The following PCDHA2 variants were observed in gnomAD, a reference collection of about 807,000 sequenced individuals.
The protein encoded by PCDHA2 is protocadherin alpha 2, also known as protocadherin alpha-2.
In PCDHA2, 58 loss-of-function variants were observed where a neutral mutation model predicts 66.0. The ratio of observed to expected loss-of-function variants is 0.88; its 90% CI spans 0.71 to 1.09. The LOEUF (loss-of-function observed/expected upper bound fraction) is 1.09, where lower values mean the gene tolerates loss of function less well. Ranked by LOEUF, PCDHA2 falls within the 50% of genes least tolerant of loss-of-function variation. PCDHA2 has a pLI of 0.00. For missense variants in PCDHA2, 1,267 were observed against 1,242.3 expected, an observed-to-expected ratio of 1.02 and a Z score of -0.30; for synonymous variants, 634 against 554.0, an observed-to-expected ratio of 1.14 and a Z score of -2.03.
intron 1 of PCDHA2, among the ~76,000 whole-genome samples, chr5:140,907,806 A>G (rs1046843294): frequency 2.6e-5 from 4 of 152,192 alleles, no homozygotes; most frequent in Non-Finnish European, 5.9e-5. Flanking sequence ...AGTGGTGTCC[A>G]CAGAACGAGT....
intron 2 of PCDHA2, among the ~76,000 whole-genome samples, chr5:140,981,575 A>G (rs2096938835): frequency 1.3e-5 from 2 of 152,152 alleles, no homozygotes; most frequent in African/African-American, 4.8e-5. Flanking sequence ...CTTTGTCTCA[A>G]AAATAAATAA....
At chr5:140,806,849 A>G (rs1581679639) in intron 1 of PCDHA2, 1 of 286,560 alleles carries the variant, frequency 3.5e-6, no homozygotes, top group South Asian at 7.5e-5. Flanking sequence ...CACTCAATCA[A>G]TCAGTGGTAC....
chr5:140,899,544 T>A (rs925092249), intron 1 of PCDHA2, among the ~76,000 whole-genome samples: 11 of 152,202 alleles, frequency 7.2e-5, no homozygotes, highest in Non-Finnish European at 1.5e-5. Context: ...TTGATCATGG[T>A]GGATAAGCTT....
At chr5:140,885,110 TA>T (rs1368571784) in intron 1 of PCDHA2, among the ~76,000 whole-genome samples, 4 of 152,224 alleles carry the variant, frequency 2.6e-5, no homozygotes, top group African/African-American at 9.6e-5. Context: ...ATGCTTTTTT[TA>T]AGTGCACTTT....
rs782724131 is a variant in PCDHA2 at position 140,802,165 on chromosome 5, C to T, written c.2388+4813C>T. Reference sequence around the variant, plus strand: ...TCATATGAAATCCAGGTAGAAGCCACGGATAAAGGAAATCCCCCAATGTCA... The same window carrying T: ...TCATATGAAATCCAGGTAGAAGCCATGGATAAAGGAAATCCCCCAATGTCA... On this transcript the variant is annotated intron_variant, in intron 1 of 3. Transcript: ENST00000526136. 5 of 1,614,080 alleles carry T rather than the reference C, an allele frequency of 3.1e-6. No individual in the cohort carries two copies. The highest frequency in any genetic ancestry group is 2.2e-5 in the East Asian group (1 of 44,896).
At chr5:140,812,798 T>C (rs1051671489) in intron 1 of PCDHA2, 5 of 152,226 alleles carry the variant, frequency 3.3e-5, no homozygotes, top group Non-Finnish European at 5.9e-5. Flanking sequence ...TGTTGTATCC[T>C]GTAAGTTTTT....
At position 140,845,310 on chromosome 5, in the gene PCDHA2, CAG is replaced by C. The variant is rs2150378304; in HGVS notation, c.2388+47959_2388+47960del. On this transcript the variant is annotated intron_variant, in intron 1 of 3. Transcript: ENST00000526136. ...ATCCTGTCTATGTCTACCTGGTTCT[CAG>C]GTATTACTTTAATTACTGAATTCTC... Among the ~76,000 whole-genome samples the C allele has an allele frequency of 4.5e-4, 68 of 149,506 alleles. 3 individuals carry two copies. The highest frequency in any genetic ancestry group is 6.9e-3 in the Middle Eastern group (2 of 290).
intron 1 of PCDHA2, chr5:140,843,766 G>A: frequency 6.7e-7 from 1 of 1,487,952 alleles, no homozygotes; most frequent in Non-Finnish European, 9.2e-7. Flanking sequence ...GGAAATTGTA[G>A]TTACTTTAAA....
At chr5:140,832,017 G>A (rs2150199162) in intron 1 of PCDHA2, among the ~76,000 whole-genome samples, 8 of 152,272 alleles carry the variant, frequency 5.3e-5, no homozygotes, top group African/African-American at 1.9e-4. Context: ...TTTACGTAAA[G>A]ATTGAATTTT....
intron 1 of PCDHA2, chr5:140,865,130 T>G (rs1221612986): frequency 3.3e-5 from 5 of 152,216 alleles, no homozygotes; most frequent in African/African-American, 1.2e-4. Flanking sequence ...TAATTATACC[T>G]TAGAATTTAA....
chr5:140,958,997 A>C (rs1356032687), intron 1 of PCDHA2, among the ~76,000 whole-genome samples: 1 of 152,076 alleles, frequency 6.6e-6, no homozygotes, highest in African/African-American at 2.4e-5. Context: ...CTAATCTTTT[A>C]CTGTACCTAA....
intron 1 of PCDHA2, chr5:140,851,545 G>T (rs912054365): frequency 2.4e-5 from 22 of 908,160 alleles, no homozygotes; most frequent in Non-Finnish European, 2.7e-5. Flanking sequence ...GATAATTCAA[G>T]AAATGTTGAC....
intron 1 of PCDHA2, among the ~76,000 whole-genome samples, chr5:140,820,465 G>C (rs1766763735): frequency 6.6e-6 from 1 of 151,906 alleles, no homozygotes; most frequent in African/African-American, 2.4e-5. Context: ...GTCTTCACAG[G>C]TAAGGGATAT....
intron 1 of PCDHA2, chr5:140,811,413 G>T (rs1764863372): frequency 6.6e-6 from 1 of 152,162 alleles, no homozygotes; most frequent in Non-Finnish European, 1.5e-5. Flanking sequence ...TATCATTGAT[G>T]GACATTTGGG....
chr5:140,848,780 G>C, intron 1 of PCDHA2: 3 of 1,593,474 alleles, frequency 1.9e-6, no homozygotes, highest in South Asian at 1.1e-5. Flanking sequence ...GCGAGGAGCT[G>C]TGCGGGCGGA....
chr5:140,926,180 C>A (rs1341994925), intron 1 of PCDHA2, among the ~76,000 whole-genome samples: 1 of 151,710 alleles, frequency 6.6e-6, no homozygotes, highest in Admixed American at 6.6e-5. Flanking sequence ...CGCGGAAAGC[C>A]CCCCGCAGCA....
chr5:140,908,604 C>T (rs1011069667), intron 1 of PCDHA2, among the ~76,000 whole-genome samples: 10 of 152,114 alleles, frequency 6.6e-5, no homozygotes, highest in African/African-American at 2.2e-4. Flanking sequence ...GATGGAAGGG[C>T]CTTGCTCCAA....
rs2098419648 is a variant in PCDHA2 at position 141,011,160 on chromosome 5, A to AT, written c.*1224dup. The AT allele has an allele frequency of 6.5e-6, 1 of 153,706 alleles. No homozygotes were observed. The highest frequency in any genetic ancestry group is 2.4e-5 in the African/African-American group (1 of 41,436). 9.5% of individuals were successfully genotyped at this position (153,706 alleles called of 1,614,324 possible). A position where few individuals can be genotyped will look rare whatever the true frequency, so the allele number is the denominator to read the frequency against. ...TACACAACCTTCTCTAACCAACTAT[A>AT]TATCAAGACCCAAAAATTGAAGAAA... On this transcript the variant is annotated 3_prime_UTR_variant, in exon 4 of 4. Coordinates refer to ENST00000526136, the MANE Select transcript of PCDHA2 (RefSeq NM_018905.3).
intron 1 of PCDHA2, among the ~76,000 whole-genome samples, chr5:140,933,588 G>A (rs2089253151): frequency 6.6e-6 from 1 of 151,988 alleles, no homozygotes; most frequent in Non-Finnish European, 1.5e-5. Flanking sequence ...TGGGTTTTTA[G>A]GTTGATTTGT....
Sources: gnomAD v4.1 joint callset for allele counts (sites outside exome capture counted in the v4.1 genomes callset) on GRCh38, gnomAD v4.1.1 for gene constraint, MANE v1.5 for transcripts, NCBI Gene and HGNC (gene_info 2026-07-23, HGNC 2026-07-21) for gene names.